The following CDH12 variants were observed in gnomAD, a reference collection of about 807,000 sequenced individuals.
CDH12 encodes the protein cadherin-12.
Under a neutral mutation model 74.1 loss-of-function variants are expected in CDH12, and 41 were observed. That is an observed-to-expected ratio of 0.55 (90% CI 0.43 to 0.72). CDH12 has a LOEUF of 0.72. Ranked by LOEUF, CDH12 falls within the 30% of genes least tolerant of loss-of-function variation. The pLI, the probability that CDH12 is intolerant of heterozygous loss-of-function variation, is 0.00. For synonymous variants in CDH12, 399 were observed against 355.0 expected, an observed-to-expected ratio of 1.12 and a Z score of -1.39; for missense variants, 945 against 977.2, an observed-to-expected ratio of 0.97 and a Z score of 0.44.
At chr5:22,320,928 G>T (rs531826790) in intron 3 of CDH12, among the ~76,000 whole-genome samples, 1 of 152,164 alleles carries the variant, frequency 6.6e-6, no homozygotes, top group Non-Finnish European at 1.5e-5. Flanking sequence ...ACAATGCAGT[G>T]TATCACAGTT....
intron 5 of CDH12, among the ~76,000 whole-genome samples, chr5:21,984,707 C>T (rs112773716): frequency 6.6e-6 from 1 of 152,130 alleles, no homozygotes; most frequent in Non-Finnish European, 1.5e-5. Flanking sequence ...TTGGGAGGTA[C>T]ACCATTTCCC....
intron 2 of CDH12, among the ~76,000 whole-genome samples, chr5:22,494,330 G>T (rs1747013221): frequency 6.6e-6 from 1 of 152,194 alleles, no homozygotes; most frequent in African/African-American, 2.4e-5. Flanking sequence ...AGTGGGTGTG[G>T]ATGTGGGTGT....
chr5:22,822,470 C>T (rs1269930857), intron 1 of CDH12, among the ~76,000 whole-genome samples: 34 of 152,002 alleles, frequency 2.2e-4, no homozygotes, highest in Non-Finnish European at 3.7e-4. Context: ...AGAAAATTTT[C>T]GCAACCTACT....
rs535895152 is a variant in CDH12, at chr5:22,340,266, C to T, written c.-333+64991G>A. On this transcript the variant is annotated intron_variant, in intron 3 of 14. Coordinates refer to ENST00000382254, the MANE Select transcript of CDH12 (RefSeq NM_004061.5). ...TCTGGGCTGGGTGCCGTGGCTCACG[C>T]CTGTAACCCCAGCACTTTGGGAGGC... 2.0e-5 allele frequency among the ~76,000 whole-genome samples: 3 copies of T among 152,300 alleles called. No individual in the cohort carries two copies. The East Asian group carries it at 5.8e-4, about 29-fold the overall frequency.
intron 1 of CDH12, among the ~76,000 whole-genome samples, chr5:22,792,992 C>A (rs1414736371): frequency 6.6e-6 from 1 of 152,174 alleles, no homozygotes; most frequent in Middle Eastern, 3.2e-3. Context: ...TAAATTTATT[C>A]TTATTTGACC....
chr5:22,495,566 G>A (rs1268177128), intron 2 of CDH12, among the ~76,000 whole-genome samples: 1 of 152,068 alleles, frequency 6.6e-6, no homozygotes, highest in Non-Finnish European at 1.5e-5. Flanking sequence ...AGTCTGACAA[G>A]TTGGAAGATA....
At chr5:22,073,107 T>A (rs1277696746) in intron 5 of CDH12, among the ~76,000 whole-genome samples, 2 of 152,164 alleles carry the variant, frequency 1.3e-5, no homozygotes, top group Admixed American at 6.6e-5. Context: ...ACTTTTATAA[T>A]TGTAATCTAG....
At chr5:22,812,191 T>C (rs1404588924) in intron 1 of CDH12, among the ~76,000 whole-genome samples, 2 of 152,258 alleles carry the variant, frequency 1.3e-5, no homozygotes, top group East Asian at 1.9e-4. Flanking sequence ...CTTTCAAGCA[T>C]AGGGATTATA....
chr5:22,708,448 G>T (rs111877945), intron 1 of CDH12, among the ~76,000 whole-genome samples: 3,600 of 152,274 alleles, frequency 0.024, 103 homozygotes, highest in African/African-American at 0.074. Context: ...CAGAGAGTTT[G>T]TCTTGCAAAA....
intron 6 of CDH12, among the ~76,000 whole-genome samples, chr5:21,858,246 AGTAAAGCATAATTTATTTC>A (rs1750855789): frequency 6.6e-6 from 1 of 151,954 alleles, no homozygotes. Flanking sequence ...TTAACAACTT[AGTAAAGCATAATTTATTTC>A]TATGTTGTAA....
intron 6 of CDH12, chr5:21,889,818 G>A (rs529367272): frequency 7.2e-5 from 71 of 985,250 alleles, no homozygotes; most frequent in Admixed American, 1.2e-4. Context: ...AGATGATGAA[G>A]AACAGCTGCC....
chr5:21,908,287 C>T (rs1289220953), intron 6 of CDH12, among the ~76,000 whole-genome samples: 1 of 152,208 alleles, frequency 6.6e-6, no homozygotes, highest in Non-Finnish European at 1.5e-5. Context: ...GCAATTGTAA[C>T]TGCAATCGTG....
intron 1 of CDH12, among the ~76,000 whole-genome samples, chr5:22,641,266 G>T (rs1739135871): frequency 6.6e-6 from 1 of 152,162 alleles, no homozygotes; most frequent in African/African-American, 2.4e-5. Context: ...CAAGGCCAAA[G>T]TCCTGAGAAT....
rs1240631222 is a variant in CDH12, at chr5:21,905,097, T to C, written c.527-50307A>G. On this transcript the variant is annotated intron_variant, in intron 6 of 14. Transcript: ENST00000382254. ...CAATTTGTCCTTTAGGGATAGATGG[T>C]AAATAGAAAAAGGTATCAAAAATAG... Among the ~76,000 whole-genome samples, 3 of 152,116 alleles carry C rather than the reference T, an allele frequency of 2.0e-5. No individual in the cohort carries two copies. The East Asian group carries it at 5.8e-4, about 29-fold the overall frequency.
At chr5:22,446,965 A>G (rs535351513) in intron 2 of CDH12, among the ~76,000 whole-genome samples, 48 of 152,228 alleles carry the variant, frequency 3.2e-4, no homozygotes, top group African/African-American at 1.1e-3. Flanking sequence ...CTTCTCCCCA[A>G]TAGTGAGTGT....
intron 1 of CDH12, among the ~76,000 whole-genome samples, chr5:22,647,819 C>CTAATATTTAATATTAAATT (rs1739522925): frequency 6.6e-6 from 1 of 151,846 alleles, no homozygotes; most frequent in Non-Finnish European, 1.5e-5. Flanking sequence ...TATGTCAAAA[C>CTAATATTTAATATTAAATT]TAATATTCCA....
intron 5 of CDH12, among the ~76,000 whole-genome samples, chr5:21,987,351 T>C (rs1200871736): frequency 1.3e-5 from 2 of 152,274 alleles, no homozygotes; most frequent in Admixed American, 6.5e-5. Flanking sequence ...AAATATTTGA[T>C]ATATTCACAT....
chr5:22,058,113 G>A (rs182087446), intron 5 of CDH12, among the ~76,000 whole-genome samples: 2 of 152,008 alleles, frequency 1.3e-5, no homozygotes, highest in Admixed American at 1.3e-4. Flanking sequence ...CTGGAGTGCA[G>A]TGGTACAATC....
intron 1 of CDH12, among the ~76,000 whole-genome samples, chr5:22,630,385 A>AGTTTAG (rs1738522444): frequency 1.3e-5 from 2 of 152,116 alleles, no homozygotes; most frequent in Non-Finnish European, 2.9e-5. Flanking sequence ...ACATTATCCA[A>AGTTTAG]CTTCGAACTA....
Sources: gnomAD v4.1 joint callset for allele counts (sites outside exome capture counted in the v4.1 genomes callset) on GRCh38, gnomAD v4.1.1 for gene constraint, MANE v1.5 for transcripts, NCBI Gene and HGNC (gene_info 2026-07-23, HGNC 2026-07-21) for gene names.